Variants in EPB41L3 observed in about 807,000 individuals in gnomAD.
EPB41L3 encodes the protein band 4.1-like protein 3.
A neutral mutation model predicts 127.1 loss-of-function variants in EPB41L3; 57 were observed. That is an observed-to-expected ratio of 0.45 (90% CI 0.36 to 0.56). EPB41L3 has a LOEUF of 0.56. Among genes scored for constraint, EPB41L3 ranks in the 20% least tolerant of loss-of-function variants. The pLI, the probability that EPB41L3 is intolerant of heterozygous loss-of-function variation, is 0.00. For synonymous variants in EPB41L3, 572 were observed against 549.5 expected (o/e 1.04, Z -0.57); for missense variants, 1,273 against 1,372.2 (o/e 0.93, Z 1.14).
exon 3 of EPB41L3, chr18:5,612,424 G>T (rs956945850): frequency 6.6e-6 from 1 of 152,208 alleles, no homozygotes; most frequent in Non-Finnish European, 1.5e-5. Context: ...CGTTCTATGC[G>T]AATCCTGGAA....
At chr18:5,581,374 T>C (rs972400548) in intron 3 of EPB41L3, among the ~76,000 whole-genome samples, 7 of 152,146 alleles carry the variant, frequency 4.6e-5, no homozygotes, top group African/African-American at 1.2e-4. Context: ...TTAATTTCAG[T>C]TACAAAAACA....
At chr18:5,565,576 G>A (rs1285039114) in intron 3 of EPB41L3, among the ~76,000 whole-genome samples, 2 of 150,454 alleles carry the variant, frequency 1.3e-5, no homozygotes, top group African/African-American at 4.9e-5. Flanking sequence ...TTTAACATTA[G>A]GTATATCTCC....
At chr18:5,394,577 G>C (rs1598393839) in intron 22 of EPB41L3, 100 bp downstream of exon 22, 1 of 834,118 alleles carries the variant, frequency 1.2e-6, no homozygotes, top group Non-Finnish European at 1.9e-6. Flanking sequence ...ATGCCAGTGA[G>C]AGAACAGAGG....
intron 1 of EPB41L3, among the ~76,000 whole-genome samples, chr18:5,517,576 C>T (rs2092800626): frequency 6.6e-6 from 1 of 152,112 alleles, no homozygotes; most frequent in African/African-American, 2.4e-5. Context: ...GCTGGGACTA[C>T]AGGCATGAAC....
At chr18:5,540,551 A>C in intron 1 of EPB41L3, 1 of 985,468 alleles carries the variant, frequency 1.0e-6, no homozygotes, top group Middle Eastern at 5.2e-4. Context: ...AGGCAAATCA[A>C]ATAACAGCAG....
At chr18:5,416,547 C>T (rs900273027) in intron 12 of EPB41L3, among the ~76,000 whole-genome samples, 169 bp from the exon 13 acceptor site, 9 of 152,156 alleles carry the variant, frequency 5.9e-5, no homozygotes, top group African/African-American at 2.2e-4. Flanking sequence ...AGCTGCATGC[C>T]ACTGTTGCCA....
upstream of EPB41L3, among the ~76,000 whole-genome samples, chr18:5,549,154 A>G (rs370616267): frequency 5.2e-4 from 79 of 152,360 alleles, no homozygotes; most frequent in Non-Finnish European, 8.7e-4. Flanking sequence ...ACTAATAAAC[A>G]TACAGCAATA....
At chr18:5,432,884 C>T (rs911465817) in intron 8 of EPB41L3, among the ~76,000 whole-genome samples, 1 of 152,164 alleles carries the variant, frequency 6.6e-6, no homozygotes, top group African/African-American at 2.4e-5. Flanking sequence ...GTCAGAGTGC[C>T]TAAACTTTAG....
intron 3 of EPB41L3, among the ~76,000 whole-genome samples, chr18:5,454,166 C>T (rs1310134651): frequency 6.7e-6 from 1 of 150,360 alleles, no homozygotes; most frequent in Non-Finnish European, 1.5e-5. Flanking sequence ...TATAACATTG[C>T]CTTGAAATTT....
chr18:5,467,915 C>T (rs1376999226), intron 3 of EPB41L3, among the ~76,000 whole-genome samples: 1 of 152,196 alleles, frequency 6.6e-6, no homozygotes, highest in African/African-American at 2.4e-5. Flanking sequence ...TCCTGCCCAG[C>T]TGCAGCTGTG....
chr18:5,615,191 T>C (rs921442481), intron 1 of EPB41L3, among the ~76,000 whole-genome samples: 6 of 144,774 alleles, frequency 4.1e-5, no homozygotes, highest in Non-Finnish European at 9.4e-5. Context: ...TCTCAGTGTA[T>C]CTAATTCAGA....
chr18:5,569,269 G>A (rs1009685123), intron 3 of EPB41L3, among the ~76,000 whole-genome samples: 6 of 152,218 alleles, frequency 3.9e-5, no homozygotes, highest in Non-Finnish European at 5.9e-5. Context: ...TATTTAGCAA[G>A]TATTGGTATT....
chr18:5,558,104 CCAAT>C (rs574279828), intron 3 of EPB41L3, among the ~76,000 whole-genome samples: 8 of 152,190 alleles, frequency 5.3e-5, no homozygotes, highest in Non-Finnish European at 1.0e-4. Context: ...AGGAAACCTG[CCAAT>C]CTCTTATACC....
rs777246251 is a variant in EPB41L3 at position 5,394,700 on chromosome 18, C to T, written c.3247G>A (p.Glu1083Lys). The change falls in exon 22 of 23, where the codon GAA (glutamate) becomes AAA (lysine). Residue 1083 changes from glutamate (E) to lysine (K), a missense_variant. Transcript: ENST00000341928. ...ACCTCTGGTCAATCCTCTCCATCTTCTGGTGTGATCTCTGTCTCTTTATGG... is the reference window on the plus strand; with the variant it reads ...ACCTCTGGTCAATCCTCTCCATCTTTTGGTGTGATCTCTGTCTCTTTATGG... ...VVHKETEITP[E>K]DGED is the part of the protein sequence containing the mutation. The T allele has an allele frequency of 6.2e-7, 1 of 1,614,136 alleles. No individual in the cohort carries two copies. Among genetic ancestry groups the T allele is most frequent in the South Asian group, 1.1e-5 (1 of 91,078 alleles).
At chr18:5,582,573 C>T (rs1207142035) in intron 3 of EPB41L3, among the ~76,000 whole-genome samples, 2 of 152,132 alleles carry the variant, frequency 1.3e-5, no homozygotes, top group African/African-American at 4.8e-5. Flanking sequence ...CTAAATATTA[C>T]AAATGAAACT....
intron 1 of EPB41L3, among the ~76,000 whole-genome samples, chr18:5,527,418 T>A (rs1278168148): frequency 2.6e-5 from 4 of 152,118 alleles, no homozygotes; most frequent in Non-Finnish European, 4.4e-5. Context: ...AGCTGCAATT[T>A]TCCCTCATAA....
intron 11 of EPB41L3, 52 bp downstream of exon 11, chr18:5,423,325 CA>C (rs2077714366): frequency 6.8e-7 from 1 of 1,473,376 alleles, no homozygotes; most frequent in Non-Finnish European, 9.1e-7. Flanking sequence ...GACAGTTTCA[CA>C]TTCTTTTTGG....
At chr18:5,510,738 C>A (rs575264047) in intron 1 of EPB41L3, among the ~76,000 whole-genome samples, 2 of 152,336 alleles carry the variant, frequency 1.3e-5, no homozygotes, top group African/African-American at 4.8e-5. Flanking sequence ...AGCTTTCTAT[C>A]CTAATGCCTA....
At chr18:5,413,293 CTTGATAGGATATT>C (rs2076418103) in intron 13 of EPB41L3, among the ~76,000 whole-genome samples, 1 of 151,992 alleles carries the variant, frequency 6.6e-6, no homozygotes, top group African/African-American at 2.4e-5. Flanking sequence ...TCTCATGTTT[CTTGATAGGATATT>C]TTGATATCCT....
Sources: gnomAD v4.1 joint callset for allele counts (sites outside exome capture counted in the v4.1 genomes callset) on GRCh38, gnomAD v4.1.1 for gene constraint, MANE v1.5 for transcripts, NCBI Gene and HGNC (gene_info 2026-07-23, HGNC 2026-07-21) for gene names.